MBOAT1: variants seen among roughly 807,000 people sequenced by gnomAD.
The protein encoded by MBOAT1 is membrane bound glycerophospholipid O-acyltransferase 1, also known as membrane-bound glycerophospholipid O-acyltransferase 1.
In MBOAT1, 67 loss-of-function variants were observed where a neutral mutation model predicts 64.4. The observed-to-expected ratio is 1.04, with a 90% CI of 0.85 to 1.27. MBOAT1 has a LOEUF of 1.27. MBOAT1 is among the 50% of genes most tolerant of loss of function. MBOAT1 has a pLI of 0.00. For missense variants in MBOAT1, 563 were observed against 604.6 expected, an observed-to-expected ratio of 0.93 and a Z score of 0.72; for synonymous variants, 229 against 218.9, an observed-to-expected ratio of 1.05 and a Z score of -0.41.
chr6:20,175,644 T>C (rs1762322623), intron 1 of MBOAT1, among the ~76,000 whole-genome samples: 2 of 150,656 alleles, frequency 1.3e-5, no homozygotes, highest in South Asian at 4.2e-4. Context: ...TTTTTTTTTT[T>C]GTATTTTAGT....
intron 4 of MBOAT1, among the ~76,000 whole-genome samples, chr6:20,137,960 G>A (rs931119780): frequency 2.0e-5 from 3 of 152,214 alleles, no homozygotes; most frequent in African/African-American, 7.2e-5. Context: ...AACTGCAATA[G>A]TAGGGTTAAA....
chr6:20,178,021 G>A (rs568563283), intron 1 of MBOAT1, among the ~76,000 whole-genome samples: 6 of 152,096 alleles, frequency 3.9e-5, no homozygotes, highest in Non-Finnish European at 5.9e-5. Flanking sequence ...CGCAAGACTC[G>A]TGTCCCACAG....
chr6:20,131,251 G>C, intron 4 of MBOAT1, 52 bp from the exon 5 acceptor site: 1 of 1,507,634 alleles, frequency 6.6e-7, no homozygotes, highest in Non-Finnish European at 9.2e-7. Context: ...CATTGATGTG[G>C]TCTGGCTGTG....
chr6:20,152,232 C>T (rs111377372), intron 2 of MBOAT1, among the ~76,000 whole-genome samples: 8 of 151,940 alleles, frequency 5.3e-5, no homozygotes, highest in African/African-American at 1.9e-4. Context: ...GAGGCTGAGG[C>T]AGGAGAATCA....
chr6:20,120,689 T>C (rs1349148486), intron 8 of MBOAT1, among the ~76,000 whole-genome samples: 1 of 151,976 alleles, frequency 6.6e-6, no homozygotes, highest in Non-Finnish European at 1.5e-5. Flanking sequence ...TAAAAAAACA[T>C]GTAGTTTGTC....
intron 12 of MBOAT1, among the ~76,000 whole-genome samples, chr6:20,106,101 T>G (rs2113623671): frequency 6.6e-6 from 1 of 152,332 alleles, no homozygotes; most frequent in South Asian, 2.1e-4. Context: ...GGTTTACTGC[T>G]AGCTACTGAA....
intron 10 of MBOAT1, among the ~76,000 whole-genome samples, chr6:20,113,876 T>C (rs1430995362): frequency 6.6e-6 from 1 of 151,122 alleles, no homozygotes; most frequent in African/African-American, 2.4e-5. Flanking sequence ...ATTCAAACAG[T>C]GAACACCAAC....
intron 4 of MBOAT1, among the ~76,000 whole-genome samples, chr6:20,141,967 G>A (rs905391004): frequency 4.6e-5 from 7 of 152,092 alleles, no homozygotes; most frequent in Non-Finnish European, 8.8e-5. Flanking sequence ...CCTTCTGCCT[G>A]GAATATCCTT....
At chr6:20,109,549 G>T in intron 12 of MBOAT1, 49 bp downstream of exon 12, 1 of 1,586,974 alleles carries the variant, frequency 6.3e-7, no homozygotes, top group South Asian at 1.1e-5. Flanking sequence ...CAAACACAGT[G>T]AAAATAGAGT....
rs184977931 is a variant in MBOAT1 at position 20,132,810 on chromosome 6, A to T, written c.420-1611T>A. On this transcript the variant is annotated intron_variant, in intron 4 of 12. Transcript: ENST00000324607. ...CAAGGAATGCAAGAAAATATTTGCAAACCATATATCTGATACGGGACTTTA... is the reference window on the plus strand; with the variant it reads ...CAAGGAATGCAAGAAAATATTTGCATACCATATATCTGATACGGGACTTTA... Among the ~76,000 whole-genome samples the T allele has an allele frequency of 3.9e-5, 6 of 152,366 alleles. No homozygotes were observed. In the East Asian group the frequency reaches 1.2e-3, roughly 29 times the overall value.
chr6:20,209,113 T>G (rs1536581), intron 1 of MBOAT1, among the ~76,000 whole-genome samples: 102,992 of 152,022 alleles, frequency 0.68, 36,989 homozygotes, highest in East Asian at 0.89. Context: ...TTTATTGGCA[T>G]AATCCTACCA....
intron 1 of MBOAT1, among the ~76,000 whole-genome samples, chr6:20,163,814 C>G (rs1365882549): frequency 6.6e-6 from 1 of 151,940 alleles, no homozygotes; most frequent in Non-Finnish European, 1.5e-5. Flanking sequence ...AATTGGGGTA[C>G]AGAGGGTCAG....
intron 1 of MBOAT1, among the ~76,000 whole-genome samples, chr6:20,158,747 A>G (rs1761766103): frequency 6.6e-6 from 1 of 152,224 alleles, no homozygotes; most frequent in South Asian, 2.1e-4. Context: ...CTAATTACCA[A>G]TGGGCAAAGG....
intron 1 of MBOAT1, among the ~76,000 whole-genome samples, chr6:20,168,563 GAA>G (rs1435491157): frequency 1.1e-4 from 13 of 122,140 alleles, no homozygotes; most frequent in East Asian, 4.5e-4. Flanking sequence ...CAGAGAAAGA[GAA>G]AGAGAGAGAG....
intron 12 of MBOAT1, among the ~76,000 whole-genome samples, chr6:20,103,545 C>A (rs559418222): frequency 9.9e-5 from 15 of 152,208 alleles, no homozygotes; most frequent in Non-Finnish European, 2.1e-4. Context: ...GATTCTCCTG[C>A]CTCAGCCTTC....
intron 1 of MBOAT1, among the ~76,000 whole-genome samples, chr6:20,177,929 C>T (rs1269334062): frequency 6.6e-6 from 1 of 152,180 alleles, no homozygotes; most frequent in Admixed American, 6.5e-5. Context: ...TTCCCTCTTT[C>T]CCTTTACTCT....
chr6:20,188,617 G>A lies in MBOAT1; in HGVS notation c.99+23519C>T, dbSNP rs531801668. 3.0e-3 allele frequency among the ~76,000 whole-genome samples: 455 copies of A among 152,284 alleles called. 1 individual carries two copies. The highest frequency in any genetic ancestry group is 5.3e-3 in the Non-Finnish European group (359 of 68,024). ...CAGTTGAATGCAAAGCCTTTTATAA[G>A]AAACTGATGAGGGCTGGGTGTCTCA... On this transcript the variant is annotated intron_variant, in intron 1 of 12. Coordinates refer to ENST00000324607, the MANE Select transcript of MBOAT1 (RefSeq NM_001080480.3).
intron 1 of MBOAT1, among the ~76,000 whole-genome samples, chr6:20,184,267 G>A (rs1762587075): frequency 6.6e-6 from 1 of 152,184 alleles, no homozygotes; most frequent in South Asian, 2.1e-4. Context: ...GCGCTGATGT[G>A]GAAGTCCAGC....
Position 20,131,132 on chromosome 6 carries a change from T to G in MBOAT1, c.475+12A>C. 1 of 1,612,408 alleles carries G rather than the reference T, an allele frequency of 6.2e-7. No homozygotes were observed. The highest frequency in any genetic ancestry group is 8.5e-7 in the Non-Finnish European group (1 of 1,178,458). ...TCACTCTGAGAACCAAAAGGAGGGC[T>G]GCTGTTCTTACCATCATGAACCTGG... is the stretch of plus-strand genomic sequence containing the variant. On this transcript the variant is annotated intron_variant, in intron 5 of 12. Coordinates refer to ENST00000324607, the MANE Select transcript of MBOAT1 (RefSeq NM_001080480.3).
Sources: gnomAD v4.1 joint callset for allele counts (sites outside exome capture counted in the v4.1 genomes callset) on GRCh38, gnomAD v4.1.1 for gene constraint, MANE v1.5 for transcripts, NCBI Gene and HGNC (gene_info 2026-07-23, HGNC 2026-07-21) for gene names.